ZNF536: variants seen among roughly 807,000 people sequenced by gnomAD.
ZNF536 encodes the protein zinc finger protein 536.
A neutral mutation model predicts 84.5 loss-of-function variants in ZNF536; 13 were observed. The ratio of observed to expected loss-of-function variants is 0.15; its 90% CI spans 0.10 to 0.24. The LOEUF (loss-of-function observed/expected upper bound fraction) is 0.24, where lower values mean the gene tolerates loss of function less well. Ranked by LOEUF, ZNF536 falls within the 10% of genes least tolerant of loss-of-function variation. The pLI, the probability that ZNF536 is intolerant of heterozygous loss-of-function variation, is 1.00. For synonymous variants in ZNF536, 811 were observed against 742.5 expected (o/e 1.09, Z -1.50); for missense variants, 1,536 against 1,747.5 (o/e 0.88, Z 2.16).
At chr19:30,257,997 A>T (rs2025000971) in intron 1 of ZNF536, among the ~76,000 whole-genome samples, 5 of 152,312 alleles carry the variant, frequency 3.3e-5, no homozygotes, top group Admixed American at 3.3e-4. Context: ...GGGCAGCAGG[A>T]CAGGTTGTTA....
chr19:30,531,440 T>A (rs2145881207), intron 2 of ZNF536, among the ~76,000 whole-genome samples: 1 of 148,992 alleles, frequency 6.7e-6, no homozygotes, highest in African/African-American at 2.5e-5. Context: ...GTCTTCTTTT[T>A]TGTGATTTTT....
chr19:30,229,515 C>G (rs563078203), intron 1 of ZNF536, among the ~76,000 whole-genome samples: 2 of 152,174 alleles, frequency 1.3e-5, no homozygotes, highest in African/African-American at 4.8e-5. Context: ...GTTTGCCGGC[C>G]AGCCTGGGAA....
intron 1 of ZNF536, among the ~76,000 whole-genome samples, chr19:30,272,282 T>G (rs779190333): frequency 7.2e-5 from 11 of 152,226 alleles, no homozygotes; most frequent in Admixed American, 5.2e-4. Flanking sequence ...CCAATAAAAT[T>G]GAGCAGAAAG....
intron 2 of ZNF536, among the ~76,000 whole-genome samples, chr19:30,469,647 G>A (rs2053553784): frequency 6.6e-6 from 1 of 152,190 alleles, no homozygotes; most frequent in Admixed American, 6.5e-5. Flanking sequence ...ATGAAGCCAT[G>A]CACAGGTGTA....
At chr19:30,681,459 AG>A (rs1178178734) in intron 1 of ZNF536, among the ~76,000 whole-genome samples, 1 of 152,076 alleles carries the variant, frequency 6.6e-6, no homozygotes, top group Non-Finnish European at 1.5e-5. Context: ...GGTAGGAAAT[AG>A]GGGCGTGCCC....
rs143701137 is a variant in ZNF536 at position 30,526,115 on chromosome 19, C to G, written c.2171-8732C>G. ...GGTCTCTGGGGTGGGCTCCAGCCCA[C>G]AGTCCCTGTCCCACAGAGAAGAGAC... On this transcript the variant is annotated intron_variant, in intron 2 of 4. Transcript: ENST00000355537. Among the ~76,000 whole-genome samples the G allele has an allele frequency of 1.7e-3, 259 of 152,330 alleles. No homozygotes were observed. In the East Asian group the frequency reaches 0.018, roughly 10 times the overall value.
downstream of ZNF536, among the ~76,000 whole-genome samples, chr19:30,558,515 G>A (rs139144279): frequency 5.3e-3 from 809 of 152,270 alleles, 9 homozygotes; most frequent in African/African-American, 0.015. Context: ...TTCATCCTGC[G>A]AAGGGGTAGT....
chr19:30,623,319 T>A (rs972243994), intron 1 of ZNF536, among the ~76,000 whole-genome samples: 3 of 152,228 alleles, frequency 2.0e-5, no homozygotes, highest in African/African-American at 4.8e-5. Flanking sequence ...GGGTACTATT[T>A]TCAGCACAGT....
At chr19:30,657,110 GT>G (rs2049942115) in intron 1 of ZNF536, among the ~76,000 whole-genome samples, 1 of 152,092 alleles carries the variant, frequency 6.6e-6, no homozygotes, top group Admixed American at 6.5e-5. Flanking sequence ...ATGTCCCTGC[GT>G]TTTCCCAGTG....
chr19:30,663,804 C>T (rs1219690941), intron 1 of ZNF536, among the ~76,000 whole-genome samples: 2 of 152,004 alleles, frequency 1.3e-5, no homozygotes, highest in South Asian at 2.1e-4. Flanking sequence ...TGTCCATGAT[C>T]GTGGAATTAA....
In ZNF536 at chr19:30,445,228, G is replaced by C. The variant is rs777668151; in HGVS notation, c.1666G>C (p.Gly556Arg). Residue 556 changes from glycine to arginine, a missense_variant, in exon 2 of 5, where the codon GGG becomes CGG. By Grantham distance (125) the Gly-to-Arg change is moderately radical (BLOSUM62 -2). Coordinates refer to ENST00000355537, the MANE Select transcript of ZNF536 (RefSeq NM_014717.3). This position sits in a 1 kb window ranked among gnomAD's most constrained non-coding sequence, Gnocchi z 4.5. The stretch of plus-strand genomic sequence containing the variant: ...CCACGAAGACACTTTGGCAAACGCC[G>C]GGGTTCTGTTTGATAAGGAGAAGCG... ...RNHEDTLANA[G>R]VLFDKEKREY... The C allele has an allele frequency of 6.2e-7, 1 of 1,614,202 alleles. No individual in the cohort carries two copies. The highest frequency in any genetic ancestry group is 1.1e-5 in the South Asian group (1 of 91,080).
intron 1 of ZNF536, among the ~76,000 whole-genome samples, chr19:30,384,032 G>A (rs1437855258): frequency 3.1e-5 from 4 of 127,718 alleles, no homozygotes; most frequent in African/African-American, 1.2e-4. Context: ...CTGCATGCCT[G>A]TGGCCCCACG....
At chr19:30,584,550 G>T (rs780361344) in intron 1 of ZNF536, among the ~76,000 whole-genome samples, 1 of 152,184 alleles carries the variant, frequency 6.6e-6, no homozygotes, top group Non-Finnish European at 1.5e-5. Flanking sequence ...CAGAGAATGT[G>T]TGAAGACCCT....
chr19:30,267,914 G>C (rs2025600752), intron 1 of ZNF536, among the ~76,000 whole-genome samples: 1 of 152,086 alleles, frequency 6.6e-6, no homozygotes. Flanking sequence ...GAAAGAGAGA[G>C]AGAGAGATCT....
intron 2 of ZNF536, among the ~76,000 whole-genome samples, chr19:30,533,308 G>A (rs916778477): frequency 2.0e-5 from 3 of 152,082 alleles, no homozygotes; most frequent in African/African-American, 7.2e-5. Context: ...ATTGCTTGAG[G>A]CCAGGAGTTC....
At chr19:30,382,224 G>A (rs928842805) in intron 1 of ZNF536, among the ~76,000 whole-genome samples, 2 of 152,128 alleles carry the variant, frequency 1.3e-5, no homozygotes, top group African/African-American at 4.8e-5. Context: ...GAAGAAAGTT[G>A]TCCGATTTGA....
intron 2 of ZNF536, among the ~76,000 whole-genome samples, chr19:30,461,642 C>T (rs2053140835): frequency 6.6e-6 from 1 of 152,230 alleles, no homozygotes; most frequent in East Asian, 1.9e-4. Flanking sequence ...AAGAGGCCCT[C>T]TGAGGCCCCA....
chr19:30,475,326 G>A (rs1301286252), intron 2 of ZNF536, among the ~76,000 whole-genome samples: 2 of 152,104 alleles, frequency 1.3e-5, no homozygotes, highest in African/African-American at 4.8e-5. Context: ...CATAGCCACT[G>A]GTCATGGTGG....
At chr19:30,574,388 C>A (rs1330500724) in intron 1 of ZNF536, among the ~76,000 whole-genome samples, 1 of 152,216 alleles carries the variant, frequency 6.6e-6, no homozygotes, top group African/African-American at 2.4e-5. Context: ...AGGTGCAACT[C>A]CCAAGCCCAC....
Sources: gnomAD v4.1 joint callset for allele counts (sites outside exome capture counted in the v4.1 genomes callset) on GRCh38, gnomAD v4.1.1 for gene constraint, Gnocchi (gnomAD v3.1) non-coding constraint, MANE v1.5 for transcripts, NCBI Gene and HGNC (gene_info 2026-07-23, HGNC 2026-07-21) for gene names.